The following CNTN5 variants were observed in gnomAD, a reference collection of about 807,000 sequenced individuals.
The protein encoded by CNTN5 is contactin-5.
Under a neutral mutation model 129.1 loss-of-function variants are expected in CNTN5, and 77 were observed. The ratio of observed to expected loss-of-function variants is 0.60; its 90% CI spans 0.50 to 0.72. The LOEUF (loss-of-function observed/expected upper bound fraction) is 0.72. Ranked by LOEUF, CNTN5 falls within the 30% of genes least tolerant of loss-of-function variation. The pLI is 0.00. For synonymous variants in CNTN5, 509 were observed against 465.6 expected (o/e 1.09, Z -1.20); for missense variants, 1,478 against 1,328.8 (o/e 1.11, Z -1.75).
chr11:99,267,762 C>T (rs1202729533), intron 1 of CNTN5, among the ~76,000 whole-genome samples: 3 of 151,914 alleles, frequency 2.0e-5, no homozygotes, highest in Non-Finnish European at 4.4e-5. Context: ...TATTCTAATG[C>T]ACTAACACAT....
At chr11:99,620,574 T>TA (rs1950914681) in intron 3 of CNTN5, among the ~76,000 whole-genome samples, 1 of 149,882 alleles carries the variant, frequency 6.7e-6, no homozygotes, top group Non-Finnish European at 1.5e-5. Flanking sequence ...AAGCTATGCC[T>TA]AAAATAGTTA....
chr11:100,290,094 A>G (rs1421454141), intron 18 of CNTN5, among the ~76,000 whole-genome samples: 3 of 151,168 alleles, frequency 2.0e-5, no homozygotes, highest in African/African-American at 7.3e-5. Flanking sequence ...CCACTGCTCA[A>G]GGAAATAAAA....
At chr11:99,461,106 A>G (rs1334671161) in intron 2 of CNTN5, among the ~76,000 whole-genome samples, 2 of 152,100 alleles carry the variant, frequency 1.3e-5, no homozygotes, top group Middle Eastern at 3.2e-3. Context: ...AGTAAAATAA[A>G]CCAAGAAAAA....
chr11:99,556,984 A>G (rs1277565687), intron 3 of CNTN5, among the ~76,000 whole-genome samples: 1 of 151,330 alleles, frequency 6.6e-6, no homozygotes, highest in Non-Finnish European at 1.5e-5. Flanking sequence ...AATTGTGGTC[A>G]TAATTTAAGC....
chr11:99,379,518 T>C (rs1471674234), intron 2 of CNTN5, among the ~76,000 whole-genome samples: 1 of 152,166 alleles, frequency 6.6e-6, no homozygotes, highest in African/African-American at 2.4e-5. Flanking sequence ...AAGGAGATAT[T>C]CATTATTGAA....
chr11:99,765,561 A>G (rs977340268), intron 3 of CNTN5, among the ~76,000 whole-genome samples: 4 of 151,520 alleles, frequency 2.6e-5, no homozygotes, highest in East Asian at 1.9e-4. Flanking sequence ...TACATTTTAT[A>G]TATTTCTTTG....
At chr11:99,872,553 A>C (rs1948529692) in intron 6 of CNTN5, among the ~76,000 whole-genome samples, 1 of 152,216 alleles carries the variant, frequency 6.6e-6, no homozygotes, top group Admixed American at 6.6e-5. Context: ...CAGAAGAGAA[A>C]AGAAAAGTCC....
chr11:99,591,954 T>A (rs1280769942), intron 3 of CNTN5, among the ~76,000 whole-genome samples: 2 of 152,176 alleles, frequency 1.3e-5, no homozygotes, highest in African/African-American at 2.4e-5. Flanking sequence ...AAGTAACAAT[T>A]TTTTTAAGAA....
At chr11:99,961,066 A>G (rs1950928873) in intron 8 of CNTN5, among the ~76,000 whole-genome samples, 2 of 151,880 alleles carry the variant, frequency 1.3e-5, no homozygotes, top group Admixed American at 1.3e-4. Flanking sequence ...TTAGCCGGGC[A>G]TGGTGGTGCA....
At chr11:99,408,608 A>C (rs545352522) in intron 2 of CNTN5, among the ~76,000 whole-genome samples, 1 of 152,224 alleles carries the variant, frequency 6.6e-6, no homozygotes, top group East Asian at 1.9e-4. Context: ...TGCTGAGATT[A>C]ATGCAGGCTT....
intron 23 of CNTN5, among the ~76,000 whole-genome samples, chr11:100,345,240 C>T (rs1952253562): frequency 6.6e-6 from 1 of 152,168 alleles, no homozygotes; most frequent in Non-Finnish European, 1.5e-5. Flanking sequence ...ACAATGGTGA[C>T]TTGAAAGCAG....
At chr11:99,956,632 G>C (rs888228612) in intron 7 of CNTN5, among the ~76,000 whole-genome samples, 174 bp from the exon 8 acceptor site, 1 of 152,152 alleles carries the variant, frequency 6.6e-6, no homozygotes, top group South Asian at 2.1e-4. Flanking sequence ...AGATCTCACC[G>C]TAGTCATTAA....
At chr11:99,715,395 G>T (rs955392692) in intron 3 of CNTN5, among the ~76,000 whole-genome samples, 1 of 151,644 alleles carries the variant, frequency 6.6e-6, no homozygotes, top group South Asian at 2.1e-4. Context: ...CCAGTACTCT[G>T]AAGATAGGCA....
chr11:99,547,618 A>G (rs1948343431), intron 2 of CNTN5, among the ~76,000 whole-genome samples: 1 of 152,212 alleles, frequency 6.6e-6, no homozygotes, highest in Non-Finnish European at 1.5e-5. Flanking sequence ...TTTAACATAG[A>G]TATTTTACAA....
intron 3 of CNTN5, among the ~76,000 whole-genome samples, chr11:99,576,770 C>A (rs2135594026): frequency 6.6e-6 from 1 of 152,254 alleles, no homozygotes; most frequent in African/African-American, 2.4e-5. Context: ...AGTGTACCCT[C>A]ATCACTTGTT....
At chr11:99,847,799 C>G (rs1385605947) in intron 6 of CNTN5, among the ~76,000 whole-genome samples, 1 of 151,858 alleles carries the variant, frequency 6.6e-6, no homozygotes, top group Non-Finnish European at 1.5e-5. Context: ...CTATAGGATT[C>G]GGGGACTCAG....
At chr11:99,519,843 ACTG>A (rs1947206315) in intron 2 of CNTN5, among the ~76,000 whole-genome samples, 1 of 152,106 alleles carries the variant, frequency 6.6e-6, no homozygotes, top group African/African-American at 2.4e-5. Context: ...CCCTAACTAG[ACTG>A]CAGGTTTCCC....
At chr11:99,958,146 T>C (rs1362618147) in intron 8 of CNTN5, among the ~76,000 whole-genome samples, 1 of 151,926 alleles carries the variant, frequency 6.6e-6, no homozygotes. Flanking sequence ...GAGAAACCAG[T>C]AGAAAAAAGA....
intron 3 of CNTN5, among the ~76,000 whole-genome samples, chr11:99,696,499 A>G (rs75282806): frequency 6.6e-6 from 1 of 152,178 alleles, no homozygotes; most frequent in African/African-American, 2.4e-5. Context: ...CAACTAAGGA[A>G]CAGTCACTAT....
Sources: allele counts gnomAD v4.1 joint callset (sites outside exome capture counted in the v4.1 genomes callset), GRCh38; gene constraint gnomAD v4.1.1; transcripts MANE v1.5; gene names NCBI Gene and HGNC (gene_info 2026-07-23, HGNC 2026-07-21).